The following TNIK variants were observed in gnomAD, a reference collection of about 807,000 sequenced individuals.
The protein encoded by TNIK is TRAF2 and NCK-interacting protein kinase.
In TNIK, 49 loss-of-function variants were observed where a neutral mutation model predicts 191.3. The observed-to-expected ratio is 0.26, with a 90% CI of 0.20 to 0.32. The LOEUF is 0.32. Among genes scored for constraint, TNIK ranks in the 10% least tolerant of loss-of-function variants. The probability of loss-of-function intolerance (pLI) is 1.00; values close to 1 mark genes in which losing one functional copy is unlikely to be tolerated. For synonymous variants in TNIK, 594 were observed against 600.9 expected (o/e 0.99, Z 0.17); for missense variants, 1,155 against 1,702.3 (o/e 0.68, Z 5.66).
At chr3:171,360,597 G>A (rs946323436) in intron 2 of TNIK, among the ~76,000 whole-genome samples, 3 of 152,172 alleles carry the variant, frequency 2.0e-5, no homozygotes, top group African/African-American at 7.2e-5. Context: ...AAGACTCAAG[G>A]CCAGAAGAGC....
intron 2 of TNIK, among the ~76,000 whole-genome samples, chr3:171,265,582 C>A (rs1346325038): frequency 1.3e-5 from 2 of 152,206 alleles, no homozygotes; most frequent in African/African-American, 2.4e-5. Context: ...TGTTTAATTT[C>A]TTTGCATTTG....
At chr3:171,214,181 T>C (rs891543800) in intron 3 of TNIK, among the ~76,000 whole-genome samples, 3 of 151,758 alleles carry the variant, frequency 2.0e-5, no homozygotes, top group East Asian at 3.9e-4. Context: ...AGGGCACAGA[T>C]GGCAGTAAGT....
intron 28 of TNIK, among the ~76,000 whole-genome samples, chr3:171,076,955 T>C (rs946092320): frequency 6.6e-6 from 1 of 152,168 alleles, no homozygotes; most frequent in Non-Finnish European, 1.5e-5. Context: ...TTTACTTCTG[T>C]AAACTCTAAA....
intron 3 of TNIK, among the ~76,000 whole-genome samples, chr3:171,211,860 G>T (rs1740873130): frequency 6.6e-6 from 1 of 152,290 alleles, no homozygotes; most frequent in East Asian, 1.9e-4. Context: ...TGTAAAAAGA[G>T]ACAACTCTCT....
At chr3:171,403,491 G>A (rs1416583715) in intron 1 of TNIK, among the ~76,000 whole-genome samples, 1 of 151,848 alleles carries the variant, frequency 6.6e-6, no homozygotes, top group African/African-American at 2.4e-5. Context: ...GCACACGCCT[G>A]TAATCCCAGC....
At chr3:171,309,807 TA>T (rs554028037) in intron 2 of TNIK, among the ~76,000 whole-genome samples, 88 of 152,216 alleles carry the variant, frequency 5.8e-4, no homozygotes, top group South Asian at 2.3e-3. Context: ...GTCTAAAAAC[TA>T]AAAAACTTAA....
rs921326210 is a variant in TNIK, at chr3:171,059,231, C to G, written c.*4650G>C. On this transcript the variant is annotated 3_prime_UTR_variant, in exon 33 of 33. Transcript: ENST00000436636. Reference sequence around the variant, plus strand: ...TTTTTATTTTTAACTGTATTTTCTACTTTTCATCCAAACATTTGTCATCAT... The same window carrying G: ...TTTTTATTTTTAACTGTATTTTCTAGTTTTCATCCAAACATTTGTCATCAT... Among the ~76,000 whole-genome samples, 2 of 152,168 alleles carry G rather than the reference C, an allele frequency of 1.3e-5. No homozygotes were observed. The highest frequency in any genetic ancestry group is 2.9e-5 in the Non-Finnish European group (2 of 68,010).
intron 22 of TNIK, 74 bp downstream of exon 22, chr3:171,101,375 C>G: frequency 6.7e-7 from 1 of 1,483,676 alleles, no homozygotes; most frequent in Non-Finnish European, 9.0e-7. Context: ...TTACATTTAA[C>G]TCATATTTTT....
chr3:171,150,787 A>G (rs1301346903), intron 12 of TNIK, among the ~76,000 whole-genome samples: 1 of 152,198 alleles, frequency 6.6e-6, no homozygotes, highest in Non-Finnish European at 1.5e-5. Flanking sequence ...TCACCAGCAG[A>G]TAAACAGCCC....
At chr3:171,166,506 G>A (rs1734637902) in intron 10 of TNIK, among the ~76,000 whole-genome samples, 1 of 152,202 alleles carries the variant, frequency 6.6e-6, no homozygotes, top group African/African-American at 2.4e-5. Flanking sequence ...AAGAGCTAGA[G>A]TCACAAAGAT....
intron 4 of TNIK, among the ~76,000 whole-genome samples, chr3:171,208,786 C>A (rs1343209146): frequency 1.3e-5 from 2 of 152,114 alleles, no homozygotes; most frequent in Admixed American, 1.3e-4. Context: ...TCTCAAACTC[C>A]TGACCTCAAG....
intron 1 of TNIK, among the ~76,000 whole-genome samples, chr3:171,456,102 A>C (rs1728770105): frequency 6.6e-6 from 1 of 151,104 alleles, no homozygotes; most frequent in African/African-American, 2.4e-5. Flanking sequence ...AATTTTGTTC[A>C]AATACAAAAG....
chr3:171,161,216 C>T (rs1733941513), intron 11 of TNIK, 54 bp downstream of exon 11: 2 of 1,566,634 alleles, frequency 1.3e-6, no homozygotes, highest in African/African-American at 1.4e-5. Context: ...GTGAATTTCA[C>T]ACAAGCACAA....
At chr3:171,346,053 C>T (rs768741831) in intron 2 of TNIK, among the ~76,000 whole-genome samples, 27 of 151,978 alleles carry the variant, frequency 1.8e-4, no homozygotes, top group Non-Finnish European at 3.5e-4. Flanking sequence ...ATAAGGTGGT[C>T]AGGGAAGGCC....
chr3:171,266,971 CTT>C (rs1748477868), intron 2 of TNIK, among the ~76,000 whole-genome samples: 1 of 152,182 alleles, frequency 6.6e-6, no homozygotes, highest in Admixed American at 6.5e-5. Flanking sequence ...AAATGCCTCT[CTT>C]ATAATGAGAA....
chr3:171,175,183 G>A, intron 9 of TNIK, 69 bp downstream of exon 9: 1 of 1,419,272 alleles, frequency 7.0e-7, no homozygotes, highest in Non-Finnish European at 9.8e-7. Flanking sequence ...AGGGATTAGA[G>A]CTAATCCAAA....
At chr3:171,208,815 C>T (rs1740430311) in intron 4 of TNIK, among the ~76,000 whole-genome samples, 1 of 152,160 alleles carries the variant, frequency 6.6e-6, no homozygotes, top group Admixed American at 6.6e-5. Flanking sequence ...CCACCTCAGC[C>T]TCCCAAAGTG....
At chr3:171,203,537 T>C (rs913596632) in intron 4 of TNIK, among the ~76,000 whole-genome samples, 7 of 152,326 alleles carry the variant, frequency 4.6e-5, no homozygotes, top group Admixed American at 2.6e-4. Context: ...CATTTTATTT[T>C]TCAAAACTTT....
rs368539899 is a variant in TNIK at position 171,203,078 on chromosome 3, A to AT, written c.306+8037dup. ...CAAAGGATTCAGCTATGAGTGGTTA[A>AT]TTTTTTTTTTTTCCTACAACCTCCA... On this transcript the variant is annotated intron_variant, in intron 4 of 32. Coordinates refer to ENST00000436636, the MANE Select transcript of TNIK (RefSeq NM_015028.4). 5.6e-3 allele frequency among the ~76,000 whole-genome samples: 825 copies of AT among 148,496 alleles called. 5 individuals carry two copies. The highest frequency in any genetic ancestry group is 0.013 in the Admixed American group (189 of 14,832).
Sources: gnomAD v4.1 joint callset for allele counts (sites outside exome capture counted in the v4.1 genomes callset) on GRCh38, gnomAD v4.1.1 for gene constraint, MANE v1.5 for transcripts, NCBI Gene and HGNC (gene_info 2026-07-23, HGNC 2026-07-21) for gene names.